The following ACBD5 variants were observed in gnomAD, a reference collection of about 807,000 sequenced individuals.
The protein encoded by ACBD5 is acyl-CoA binding domain containing 5.
In ACBD5, 40 loss-of-function variants were observed where a neutral mutation model predicts 71.8. The observed-to-expected ratio is 0.56, with a 90% CI of 0.43 to 0.72. The LOEUF is 0.72. Among genes scored for constraint, ACBD5 ranks in the 30% least tolerant of loss-of-function variants. The pLI, the probability that ACBD5 is intolerant of heterozygous loss-of-function variation, is 0.00. For synonymous variants in ACBD5, 229 were observed against 218.6 expected (o/e 1.05, Z -0.42); for missense variants, 559 against 644.5 (o/e 0.87, Z 1.44).
chr10:27,211,076 T>C lies in ACBD5; in HGVS notation c.942A>G (p.Leu314=). The C allele has an allele frequency of 6.2e-7, 1 of 1,614,114 alleles. No individual in the cohort carries two copies. Among genetic ancestry groups the C allele is most frequent in the Non-Finnish European group, 8.5e-7 (1 of 1,179,996 alleles). The change falls in exon 9 of 13, where the codon TTA becomes TTG. Residue 314 remains leucine, a synonymous_variant. Coordinates refer to ENST00000396271, the MANE Select transcript of ACBD5 (RefSeq NM_145698.5). ...GTCCATTGTTGGACGTAAAGCTGTC[T>C]AAAGACTACAAATTAGAAATGACAC... ...SMEQFGQEES[L]DSFTSNNGPF...
At chr10:27,200,279 G>C (rs565869549) in intron 12 of ACBD5, among the ~76,000 whole-genome samples, 120 of 152,266 alleles carry the variant, frequency 7.9e-4, no homozygotes, top group African/African-American at 2.8e-3. Flanking sequence ...CGTCCTCACT[G>C]CTACACTCCC....
intron 3 of ACBD5, 24 bp downstream of exon 3, chr10:27,235,068 G>A (rs2064468665): frequency 6.2e-7 from 1 of 1,609,978 alleles, no homozygotes; most frequent in Non-Finnish European, 8.5e-7. Flanking sequence ...TTAAATTCTT[G>A]CATAGCTCTA....
At position 27,208,253 on chromosome 10, in the gene ACBD5, G is replaced by A. The variant is rs1349490446; in HGVS notation, c.1397C>T (p.Ala466Val). The change falls in exon 10 of 13, where the codon GCT (alanine) becomes GTT (valine). Residue 466 changes from alanine to valine, a missense_variant. Transcript: ENST00000396271. ...QRLQKLETLT[A>V]LQAKSSTSTL... ...ATACATTTGGAAGTTTACCTGCAAA[G>A]CAGTCAGCGTTTCCAGTTTCTGCAG... 6.2e-7 allele frequency: 1 copy of A among 1,614,008 alleles called. No homozygotes were observed. Among genetic ancestry groups the A allele is most frequent in the East Asian group, 2.2e-5 (1 of 44,894 alleles).
chr10:27,184,129 G>T (rs950679343), intron 13 of ACBD5, among the ~76,000 whole-genome samples: 5 of 152,176 alleles, frequency 3.3e-5, no homozygotes, highest in Non-Finnish European at 4.4e-5. Context: ...CCCTGTCCTC[G>T]TGGAACTTAC....
chr10:27,194,339 G>A (rs897230344), downstream of ACBD5, among the ~76,000 whole-genome samples: 13 of 151,358 alleles, frequency 8.6e-5, no homozygotes, highest in Admixed American at 2.0e-4. Flanking sequence ...GGCTGGGTGC[G>A]GTGACTCACG....
intron 9 of ACBD5, among the ~76,000 whole-genome samples, chr10:27,210,196 G>A (rs1198668006): frequency 6.6e-6 from 1 of 152,182 alleles, no homozygotes; most frequent in Non-Finnish European, 1.5e-5. Flanking sequence ...GTTTTGTTTT[G>A]AATAATAAAT....
rs41282238 is a variant in ACBD5, at chr10:27,240,384, G to A, written c.116C>T (p.Thr39Met). The A allele has an allele frequency of 1.9e-3, 3,077 of 1,614,042 alleles. 22 individuals carry two copies. The highest frequency in any genetic ancestry group is 0.011 in the South Asian group (1,025 of 91,082). The part of the protein sequence containing the change: ...GQHWQLEMAD[T>M]RSVHETRFEA... ...AAACCTAGTCTCGTGCACGGATCTC[G>A]TGTCCGCCATCTCCAGCTGCCAGTG... Residue 39 changes from threonine (T) to methionine (M), a missense_variant, in exon 2 of 13, where the codon ACG becomes ATG. Physicochemically the swap from Thr to Met is moderately conservative, Grantham distance 81 (BLOSUM62 -1). Coordinates refer to ENST00000396271, the MANE Select transcript of ACBD5 (RefSeq NM_145698.5). This position sits in a 1 kb window ranked among gnomAD's most constrained non-coding sequence, Gnocchi z 4.1.
At chr10:27,210,713 G>C (rs757041626) in intron 9 of ACBD5, 101 bp downstream of exon 9, 2 of 1,501,906 alleles carry the variant, frequency 1.3e-6, no homozygotes, top group Non-Finnish European at 9.1e-7. Context: ...AGCCGAGATT[G>C]CACCACCGCA....
In ACBD5 at chr10:27,215,624, C is replaced by T. The variant is rs536162700; in HGVS notation, c.847G>A (p.Val283Ile). Residue 283 changes from valine (V) to isoleucine (I), a missense_variant, in exon 8 of 13, where the codon GTT becomes ATT. Val to Ile is a conservative substitution (Grantham distance 29, BLOSUM62 3). Coordinates refer to ENST00000396271, the MANE Select transcript of ACBD5 (RefSeq NM_145698.5). ...TGCTGAATTCCTGTAACATCTTCAA[C>T]ATGATCATCATTTATATCTAAATAT... is the stretch of plus-strand genomic sequence containing the variant. ...CIHQDINDDH[V>I]EDVTGIQHLT... The T allele has an allele frequency of 3.7e-6, 6 of 1,611,200 alleles. No individual in the cohort carries two copies. The highest frequency in any genetic ancestry group is 2.2e-5 in the East Asian group (1 of 44,796).
intron 9 of ACBD5, among the ~76,000 whole-genome samples, chr10:27,209,561 G>C (rs576742058): frequency 6.6e-6 from 1 of 152,256 alleles, no homozygotes; most frequent in East Asian, 1.9e-4. Flanking sequence ...GACCTCAAGT[G>C]ATCTGCCTGC....
intron 2 of ACBD5, among the ~76,000 whole-genome samples, chr10:27,238,648 T>C (rs754336177): frequency 1.3e-5 from 2 of 152,170 alleles, no homozygotes; most frequent in Non-Finnish European, 2.9e-5. Flanking sequence ...GACAACACCA[T>C]AGAAGGAAAG....
intron 8 of ACBD5, among the ~76,000 whole-genome samples, chr10:27,213,248 T>C (rs1274422899): frequency 1.3e-5 from 2 of 152,166 alleles, no homozygotes; most frequent in Admixed American, 6.6e-5. Flanking sequence ...CCAACAGGTA[T>C]ATGAAAAGGT....
At chr10:27,215,079 G>C (rs544272330) in intron 8 of ACBD5, among the ~76,000 whole-genome samples, 2 of 152,182 alleles carry the variant, frequency 1.3e-5, no homozygotes, top group Non-Finnish European at 1.5e-5. Flanking sequence ...CAGGAGAATT[G>C]CTTGAACCTA....
chr10:27,229,912 T>C (rs1363834211), intron 4 of ACBD5, among the ~76,000 whole-genome samples: 3 of 152,132 alleles, frequency 2.0e-5, no homozygotes, highest in African/African-American at 7.2e-5. Flanking sequence ...TCAGCAGCAA[T>C]ATAGTTTTAA....
intron 10 of ACBD5, among the ~76,000 whole-genome samples, chr10:27,207,926 A>G (rs1270344942): frequency 6.6e-6 from 1 of 151,992 alleles, no homozygotes; most frequent in East Asian, 1.9e-4. Context: ...GTAGAGACAG[A>G]ATTTCACCAT....
chr10:27,203,664 G>C (rs1589018438), intron 12 of ACBD5, among the ~76,000 whole-genome samples: 1 of 152,082 alleles, frequency 6.6e-6, no homozygotes, highest in East Asian at 1.9e-4. Flanking sequence ...GCTTGAACCT[G>C]GGAGGCAGAG....
intron 12 of ACBD5, among the ~76,000 whole-genome samples, chr10:27,201,562 G>T (rs1264885614): frequency 6.6e-6 from 1 of 152,146 alleles, no homozygotes; most frequent in East Asian, 1.9e-4. Flanking sequence ...CAGCACTTTG[G>T]GAAGCCGAGG....
At chr10:27,191,840 ATT>A (rs1245449412), downstream of ACBD5, among the ~76,000 whole-genome samples, 19 of 152,118 alleles carry the variant, frequency 1.2e-4, no homozygotes, top group Non-Finnish European at 2.9e-5. Flanking sequence ...GTGAGCAGAG[ATT>A]GCACCTCTGC....
At chr10:27,183,431 G>A (rs2058443563) in intron 13 of ACBD5, among the ~76,000 whole-genome samples, 1 of 151,984 alleles carries the variant, frequency 6.6e-6, no homozygotes, top group African/African-American at 2.4e-5. Flanking sequence ...CTACAGGCAT[G>A]TGCCACCACG....
Sources: gnomAD v4.1 joint callset for allele counts (sites outside exome capture counted in the v4.1 genomes callset) on GRCh38, gnomAD v4.1.1 for gene constraint, Gnocchi (gnomAD v3.1) non-coding constraint, MANE v1.5 for transcripts, NCBI Gene and HGNC (gene_info 2026-07-23, HGNC 2026-07-21) for gene names.